Variants in DLGAP2 observed in about 807,000 individuals in gnomAD.
DLGAP2 encodes the protein DLG associated protein 2, also known as disks large-associated protein 2.
In DLGAP2, 26 loss-of-function variants were observed where a neutral mutation model predicts 100.3. The observed-to-expected ratio is 0.26, with a 90% CI of 0.19 to 0.36. DLGAP2 has a LOEUF of 0.36. Among genes scored for constraint, DLGAP2 ranks in the 10% least tolerant of loss-of-function variants. The pLI is 1.00. For missense variants in DLGAP2, 1,858 were observed against 1,453.2 expected (o/e 1.28, Z -4.53); for synonymous variants, 886 against 630.1 (o/e 1.41, Z -6.08).
intron 2 of DLGAP2, among the ~76,000 whole-genome samples, chr8:1,208,314 T>C (rs764445254): frequency 6.6e-6 from 1 of 152,192 alleles, no homozygotes; most frequent in Non-Finnish European, 1.5e-5. Context: ...ATTTGTTGAA[T>C]AGGGTGTCCT....
chr8:1,133,192 C>T (rs1015306179), intron 2 of DLGAP2, among the ~76,000 whole-genome samples: 2 of 152,204 alleles, frequency 1.3e-5, no homozygotes, highest in Admixed American at 6.5e-5. Flanking sequence ...TACTTAAGCA[C>T]TCCTGGGGCC....
chr8:1,102,441 T>G (rs2129043988), intron 2 of DLGAP2, among the ~76,000 whole-genome samples: 1 of 151,168 alleles, frequency 6.6e-6, no homozygotes, highest in Non-Finnish European at 1.5e-5. Context: ...TGGCATGCCG[T>G]CCAAAAATCC....
intron 2 of DLGAP2, among the ~76,000 whole-genome samples, chr8:1,236,320 G>T (rs1194588625): frequency 5.7e-3 from 318 of 55,460 alleles, no homozygotes; most frequent in South Asian, 0.011. Flanking sequence ...ATGGCGCCGT[G>T]TCTGGTTCTC....
At chr8:1,253,092 C>A (rs1324178747) in intron 2 of DLGAP2, among the ~76,000 whole-genome samples, 1 of 152,200 alleles carries the variant, frequency 6.6e-6, no homozygotes, top group Non-Finnish European at 1.5e-5. Flanking sequence ...CGGGCCTGTC[C>A]CCGCGTGGCT....
At chr8:1,566,356 A>C (rs1362803062) in intron 6 of DLGAP2, among the ~76,000 whole-genome samples, 3 of 152,210 alleles carry the variant, frequency 2.0e-5, no homozygotes, top group Admixed American at 1.3e-4. Flanking sequence ...TAGCTTTATA[A>C]ATATAATACC....
At chr8:840,403 C>T (rs1406152673) in intron 1 of DLGAP2, among the ~76,000 whole-genome samples, 2 of 131,114 alleles carry the variant, frequency 1.5e-5, no homozygotes, top group South Asian at 2.6e-4. Context: ...TCTGCGAGCG[C>T]GTCCACATGG....
chr8:1,319,379 C>T (rs192608721), intron 3 of DLGAP2, among the ~76,000 whole-genome samples: 6 of 152,174 alleles, frequency 3.9e-5, no homozygotes, highest in Non-Finnish European at 8.8e-5. Flanking sequence ...AGAGAGGCCA[C>T]GTGTGGAAAC....
chr8:1,080,851 A>T (rs532741456), intron 2 of DLGAP2, among the ~76,000 whole-genome samples: 2 of 152,342 alleles, frequency 1.3e-5, no homozygotes, highest in Non-Finnish European at 2.9e-5. Flanking sequence ...CTACTTTCTC[A>T]TACTGGACAT....
intron 3 of DLGAP2, among the ~76,000 whole-genome samples, chr8:1,278,200 C>T (rs938106392): frequency 5.9e-5 from 9 of 152,140 alleles, no homozygotes; most frequent in South Asian, 2.1e-4. Flanking sequence ...GAGCTGTATG[C>T]GTCGGACAAG....
chr8:1,237,873 G>A (rs1462040848), intron 2 of DLGAP2, among the ~76,000 whole-genome samples: 1 of 11,296 alleles, frequency 8.9e-5, no homozygotes, highest in Non-Finnish European at 1.7e-4. Flanking sequence ...ACATGGCGCC[G>A]TGTCTAGTTC....
At chr8:1,548,344 A>C (rs1563213869) in intron 4 of DLGAP2, among the ~76,000 whole-genome samples, 2 of 150,708 alleles carry the variant, frequency 1.3e-5, no homozygotes, top group Non-Finnish European at 3.0e-5. Context: ...CTGTAGTCCC[A>C]GCTACTCGGG....
intron 1 of DLGAP2, among the ~76,000 whole-genome samples, chr8:827,327 G>T (rs574058960): frequency 7.9e-5 from 12 of 152,286 alleles, no homozygotes; most frequent in African/African-American, 2.9e-4. Flanking sequence ...GATTTTTCAT[G>T]GGTGTTCTTA....
rs558072810 is a variant in DLGAP2, at chr8:822,808, C to T, written c.18+84983C>T. Among the ~76,000 whole-genome samples, 546 of 152,216 alleles carry T rather than the reference C, an allele frequency of 3.6e-3. 4 individuals are homozygous for T. Among genetic ancestry groups the T allele is most frequent in the African/African-American group, 0.013 (526 of 41,542 alleles). On this transcript the variant is annotated intron_variant, in intron 1 of 14. Transcript: ENST00000637795. ...GACAACAGCATCCTGGGGCTGTGGA[C>T]GCCACAGTGACCACTGCTGGGTGCT...
At chr8:1,449,304 T>G (rs1798072362) in intron 3 of DLGAP2, among the ~76,000 whole-genome samples, 1 of 152,162 alleles carries the variant, frequency 6.6e-6, no homozygotes, top group African/African-American at 2.4e-5. Flanking sequence ...CGGGCCATGA[T>G]GGACTAAAGA....
rs569964576 is a variant in DLGAP2, at chr8:1,360,216, G to T, written c.106+101333G>T. Reference sequence around the variant, plus strand: ...GTGTGCTCAGGGGCGGGGCTTTTCCGGGGCGGGGCTTCTCCGGGGCGGGGC... The same window carrying T: ...GTGTGCTCAGGGGCGGGGCTTTTCCTGGGCGGGGCTTCTCCGGGGCGGGGC... On this transcript the variant is annotated intron_variant, in intron 3 of 14. Coordinates refer to ENST00000637795, the MANE Select transcript of DLGAP2 (RefSeq NM_001346810.2). Among the ~76,000 whole-genome samples, 357 of 134,098 alleles carry T rather than the reference G, an allele frequency of 2.7e-3. 1 individual carries two copies. The highest frequency in any genetic ancestry group is 8.4e-3 in the African/African-American group (299 of 35,586). 88.0% of individuals were successfully genotyped at this position (134,098 alleles called of 152,430 possible).
intron 3 of DLGAP2, among the ~76,000 whole-genome samples, chr8:1,328,092 T>C (rs898932292): frequency 6.6e-6 from 1 of 151,902 alleles, no homozygotes; most frequent in Non-Finnish European, 1.5e-5. Flanking sequence ...CAGGCTGGAG[T>C]GCAGTGGTGT....
chr8:1,550,227 G>C (rs1205620601), intron 5 of DLGAP2, among the ~76,000 whole-genome samples: 1 of 152,184 alleles, frequency 6.6e-6, no homozygotes, highest in South Asian at 2.1e-4. Context: ...AGTGTCCCCT[G>C]TGTATGTACC....
intron 3 of DLGAP2, among the ~76,000 whole-genome samples, chr8:1,379,869 C>A (rs35519351): frequency 3.4e-4 from 28 of 82,498 alleles, no homozygotes; most frequent in South Asian, 1.4e-3. Flanking sequence ...TGGGGGCCTG[C>A]TGATTTGGGG....
At chr8:1,386,204 A>C (rs76537451) in intron 3 of DLGAP2, among the ~76,000 whole-genome samples, 2,533 of 152,352 alleles carry the variant, frequency 0.017, 69 homozygotes, top group Middle Eastern at 0.054. Flanking sequence ...AAAAGAGCAT[A>C]GAGAAAGCAG....
Sources: allele counts gnomAD v4.1 joint callset (sites outside exome capture counted in the v4.1 genomes callset), GRCh38; gene constraint gnomAD v4.1.1; transcripts MANE v1.5; gene names NCBI Gene and HGNC (gene_info 2026-07-23, HGNC 2026-07-21).